Variants in LRP1B observed in about 807,000 individuals in gnomAD.
LRP1B encodes the protein low-density lipoprotein receptor-related protein 1B.
A neutral mutation model predicts 556.6 loss-of-function variants in LRP1B; 217 were observed. The ratio of observed to expected loss-of-function variants is 0.39; its 90% CI spans 0.35 to 0.44. The LOEUF is 0.44. LRP1B is among the 20% of genes least tolerant of loss of function. The pLI is 1.00. For missense variants in LRP1B, 5,053 were observed against 5,620.8 expected, an observed-to-expected ratio of 0.90 and a Z score of 3.23; for synonymous variants, 2,047 against 1,865.8, an observed-to-expected ratio of 1.10 and a Z score of -2.50.
chr2:141,930,116 C>T (rs777249174), intron 1 of LRP1B, among the ~76,000 whole-genome samples: 4 of 151,844 alleles, frequency 2.6e-5, no homozygotes, highest in Non-Finnish European at 4.4e-5. Context: ...ACCCGTGGCA[C>T]ATTCTGGCAC....
At chr2:141,034,065 A>C (rs1337613378) in intron 11 of LRP1B, among the ~76,000 whole-genome samples, 1 of 152,102 alleles carries the variant, frequency 6.6e-6, no homozygotes, top group Non-Finnish European at 1.5e-5. Flanking sequence ...TTCTTTAAAG[A>C]GTGCCTTAAG....
intron 6 of LRP1B, among the ~76,000 whole-genome samples, chr2:141,208,650 G>A (rs1682394213): frequency 6.6e-6 from 1 of 151,860 alleles, no homozygotes; most frequent in African/African-American, 2.4e-5. Context: ...GGTAGATCAC[G>A]AGGTCAGGAG....
At chr2:140,457,700 G>A (rs1295153174) in intron 60 of LRP1B, 49 bp from the exon 61 acceptor site, 1 of 1,445,914 alleles carries the variant, frequency 6.9e-7, no homozygotes, top group Non-Finnish European at 9.7e-7. Flanking sequence ...AAGACTGCCA[G>A]TTAAAATATT....
chr2:141,229,563 T>C, intron 5 of LRP1B, 123 bp from the exon 6 acceptor site: 2 of 752,752 alleles, frequency 2.7e-6, no homozygotes, highest in Non-Finnish European at 4.2e-6. Context: ...AATTTTCTTA[T>C]AAAAAAACTT....
intron 41 of LRP1B, among the ~76,000 whole-genome samples, chr2:140,646,696 G>C (rs1437339287): frequency 6.6e-6 from 1 of 151,770 alleles, no homozygotes; most frequent in Non-Finnish European, 1.5e-5. Flanking sequence ...ATTTCTCTTT[G>C]AGTATTTTAT....
chr2:141,301,007 G>A (rs1054424774), intron 3 of LRP1B, among the ~76,000 whole-genome samples: 1 of 152,134 alleles, frequency 6.6e-6, no homozygotes, highest in African/African-American at 2.4e-5. Flanking sequence ...AGAAGTCAGA[G>A]AGGAAGAATG....
At chr2:141,591,302 A>C (rs557115330) in intron 2 of LRP1B, among the ~76,000 whole-genome samples, 36 of 151,562 alleles carry the variant, frequency 2.4e-4, no homozygotes, top group African/African-American at 8.2e-4. Context: ...AGATGCCTTA[A>C]ATTATCCCTT....
At chr2:141,228,628 T>G (rs2105291979) in intron 6 of LRP1B, among the ~76,000 whole-genome samples, 1 of 150,230 alleles carries the variant, frequency 6.7e-6, no homozygotes, top group South Asian at 2.1e-4. Context: ...ACAATGAGAT[T>G]TCAGTTTATG....
At chr2:141,177,863 T>G (rs753541765) in intron 7 of LRP1B, among the ~76,000 whole-genome samples, 2 of 152,090 alleles carry the variant, frequency 1.3e-5, no homozygotes, top group Admixed American at 6.6e-5. Context: ...TTAAATAGAG[T>G]TAGCCTTCAG....
At chr2:142,020,948 A>T (rs1396810133) in intron 1 of LRP1B, among the ~76,000 whole-genome samples, 1 of 152,214 alleles carries the variant, frequency 6.6e-6, no homozygotes, top group Non-Finnish European at 1.5e-5. Flanking sequence ...ACTAATTGCA[A>T]AGTTGCAAGA....
intron 1 of LRP1B, among the ~76,000 whole-genome samples, chr2:141,931,843 C>T (rs994645295): frequency 3.9e-5 from 6 of 152,076 alleles, no homozygotes; most frequent in Middle Eastern, 3.4e-3. Flanking sequence ...AGTATGGAAA[C>T]GGCACAGAGT....
chr2:140,454,116 C>T (rs1686991652), intron 62 of LRP1B, among the ~76,000 whole-genome samples: 3 of 152,084 alleles, frequency 2.0e-5, no homozygotes, highest in African/African-American at 7.2e-5. Context: ...TTTGCATTAC[C>T]TGTTCTTCAT....
At chr2:141,843,296 A>T (rs1254046707) in intron 1 of LRP1B, among the ~76,000 whole-genome samples, 1 of 152,164 alleles carries the variant, frequency 6.6e-6, no homozygotes, top group Admixed American at 6.6e-5. Flanking sequence ...CACATTGGGA[A>T]GTTAGGGGTT....
chr2:140,933,570 T>C (rs556402940), intron 20 of LRP1B, among the ~76,000 whole-genome samples: 17 of 152,168 alleles, frequency 1.1e-4, no homozygotes, highest in African/African-American at 3.1e-4. Flanking sequence ...GACAACAGGG[T>C]GAGGTTCTTC....
chr2:142,077,060 C>T (rs1705528042), intron 1 of LRP1B, among the ~76,000 whole-genome samples: 1 of 152,066 alleles, frequency 6.6e-6, no homozygotes, highest in African/African-American at 2.4e-5. Context: ...TGAATGGCAT[C>T]ATTTCCATTT....
intron 11 of LRP1B, among the ~76,000 whole-genome samples, chr2:141,035,126 G>A (rs1175389251): frequency 1.3e-5 from 2 of 150,740 alleles, no homozygotes; most frequent in Non-Finnish European, 2.9e-5. Flanking sequence ...AACACCGCAT[G>A]TTCTCACTCA....
chr2:140,785,339 T>C (rs961085202), intron 32 of LRP1B, among the ~76,000 whole-genome samples: 2 of 151,976 alleles, frequency 1.3e-5, no homozygotes, highest in African/African-American at 4.8e-5. Flanking sequence ...ATATAGGAAA[T>C]TGAGAGAGAG....
chr2:141,394,788 C>T (rs889957084), intron 3 of LRP1B, among the ~76,000 whole-genome samples: 2 of 152,058 alleles, frequency 1.3e-5, no homozygotes, highest in African/African-American at 4.8e-5. Context: ...AACTTGCACA[C>T]GGATTCTTCC....
chr2:142,040,990 T>C (rs1039051970), intron 1 of LRP1B, among the ~76,000 whole-genome samples: 4 of 151,424 alleles, frequency 2.6e-5, no homozygotes, highest in Non-Finnish European at 4.4e-5. Flanking sequence ...ATCATTTATG[T>C]TGAGTCCAGT....
Sources: gnomAD v4.1 joint callset for allele counts (sites outside exome capture counted in the v4.1 genomes callset) on GRCh38, gnomAD v4.1.1 for gene constraint, MANE v1.5 for transcripts, NCBI Gene and HGNC (gene_info 2026-07-23, HGNC 2026-07-21) for gene names.